The following SUZ12 variants were observed in gnomAD, a reference collection of about 807,000 sequenced individuals.
The protein encoded by SUZ12 is polycomb protein SUZ12.
SUZ12 carries 17 observed loss-of-function variants against 87.3 expected under a neutral mutation model. That is an observed-to-expected ratio of 0.19 (90% CI 0.13 to 0.29). The LOEUF (loss-of-function observed/expected upper bound fraction) is 0.29, where lower values mean the gene tolerates loss of function less well. Ranked by LOEUF, SUZ12 falls within the 10% of genes least tolerant of loss-of-function variation. The probability of loss-of-function intolerance (pLI) is 1.00; values close to 1 mark genes in which losing one functional copy is unlikely to be tolerated. For missense variants in SUZ12, 526 were observed against 912.2 expected (o/e 0.58, Z 5.45); for synonymous variants, 253 against 312.4 (o/e 0.81, Z 2.01).
At chr17:31,987,061 TTTTG>T (rs1385599244) in intron 9 of SUZ12, among the ~76,000 whole-genome samples, 1 of 147,656 alleles carries the variant, frequency 6.8e-6, no homozygotes, top group Non-Finnish European at 1.5e-5. Context: ...TTTTTTGTTT[TTTTG>T]TTTTTTTGTG....
rs1431064383 is a variant in SUZ12 at position 31,940,456 on chromosome 17, C to G, written c.356C>G (p.Ser119Cys). Residue 119 changes from serine (S) to cysteine (C), a missense_variant, in exon 3 of 16, where the codon TCT (serine) becomes TGT (cysteine). Physicochemically the swap from Ser to Cys is moderately radical, Grantham distance 112 (BLOSUM62 -1). This residue lies in a region of SUZ12 where 49 missense variants were observed against 73.2 expected (regional missense o/e 0.67). Transcript: ENST00000322652. ...IFLHRTLTYM[S>C]HRNSRTNIKR... ...TTGCACAGAACTCTTACTTACATGT[C>G]TCATCGAAACTCCAGAACAAACATC... 2 of 1,590,804 alleles carry G rather than the reference C, an allele frequency of 1.3e-6. No individual in the cohort carries two copies. The highest frequency in any genetic ancestry group is 1.4e-5 in the African/African-American group (1 of 73,678).
At chr17:31,947,335 T>A (rs1398095393) in intron 3 of SUZ12, among the ~76,000 whole-genome samples, 1 of 152,130 alleles carries the variant, frequency 6.6e-6, no homozygotes, top group African/African-American at 2.4e-5. Flanking sequence ...AAAATAAATA[T>A]AAACCAAGTA....
At position 31,999,915 on chromosome 17, in the gene SUZ12, TC is replaced by T. The variant is rs1256860508; in HGVS notation, c.*913del. ...TAAGGGGAGAAGTGTTCTTAAAAAG[TC>T]AACCAGAAAACTGTTATGCCTTTTA... On this transcript the variant is annotated 3_prime_UTR_variant, in exon 16 of 16. Coordinates refer to ENST00000322652, the MANE Select transcript of SUZ12 (RefSeq NM_015355.4). 2.1e-5 allele frequency: 5 copies of T among 232,722 alleles called. No homozygotes were observed. Among genetic ancestry groups the T allele is most frequent in the Non-Finnish European group, 3.4e-5 (4 of 117,804 alleles). The allele number at this position is 232,722 out of a possible 1,614,324, so 14.4% of individuals were successfully genotyped here. A position where few individuals can be genotyped will look rare whatever the true frequency, so the allele number is the denominator to read the frequency against.
At chr17:31,951,845 G>T (rs1907004888) in intron 4 of SUZ12, among the ~76,000 whole-genome samples, 1 of 149,442 alleles carries the variant, frequency 6.7e-6, no homozygotes, top group Non-Finnish European at 1.5e-5. Flanking sequence ...TGCGATCTTG[G>T]CTCACTGCAA....
intron 8 of SUZ12, 89 bp from the exon 9 acceptor site, chr17:31,982,910 A>G (rs1909197903): frequency 7.2e-7 from 1 of 1,383,616 alleles, no homozygotes; most frequent in African/African-American, 1.5e-5. Context: ...AATTTAATAA[A>G]TGGTTTTAGT....
intron 1 of SUZ12, among the ~76,000 whole-genome samples, chr17:31,938,802 TAA>T (rs1402470300): frequency 6.6e-6 from 1 of 152,248 alleles, no homozygotes; most frequent in Non-Finnish European, 1.5e-5. Flanking sequence ...TTCTGAATGT[TAA>T]GACACATCCT....
chr17:31,988,054 C>T (rs937753361), intron 9 of SUZ12, among the ~76,000 whole-genome samples: 4 of 152,046 alleles, frequency 2.6e-5, no homozygotes, highest in East Asian at 3.8e-4. Flanking sequence ...CTGTGTTGGA[C>T]GAGTGTTTTC....
intron 5 of SUZ12, among the ~76,000 whole-genome samples, chr17:31,972,066 T>C (rs1440313304): frequency 3.3e-5 from 5 of 150,914 alleles, no homozygotes; most frequent in Admixed American, 6.6e-5. Context: ...GGTGGATCAC[T>C]TGAGGTCAGG....
Position 31,998,749 on chromosome 17 carries a change from T to G in SUZ12, c.1966T>G (p.Phe656Val). 6.2e-7 allele frequency: 1 copy of G among 1,609,302 alleles called. No individual in the cohort carries two copies. Among genetic ancestry groups the G allele is most frequent in the Non-Finnish European group, 8.5e-7 (1 of 1,177,404 alleles). Reference protein sequence around the residue: ...KIIKKNLCRNFMLHLVSMHDF... With the variant: ...KIIKKNLCRNVMLHLVSMHDF... Reference sequence around the variant, plus strand: ...AATTAAGAAGAATTTATGTCGAAACTTCATGCTTCATCTAGTCAGCATGCA... The same window carrying G: ...AATTAAGAAGAATTTATGTCGAAACGTCATGCTTCATCTAGTCAGCATGCA... Residue 656 changes from phenylalanine (F) to valine (V), a missense_variant, in exon 16 of 16, where the codon TTC becomes GTC. Coordinates refer to ENST00000322652, the MANE Select transcript of SUZ12 (RefSeq NM_015355.4).
At chr17:31,947,827 G>A (rs1202939411) in intron 4 of SUZ12, 142 bp downstream of exon 4, 1 of 781,368 alleles carries the variant, frequency 1.3e-6, no homozygotes, top group Non-Finnish European at 2.0e-6. Flanking sequence ...TCACACACAA[G>A]TCAGAAATTA....
At chr17:31,950,461 A>G (rs1720416584) in intron 4 of SUZ12, among the ~76,000 whole-genome samples, 1 of 152,126 alleles carries the variant, frequency 6.6e-6, no homozygotes, top group East Asian at 1.9e-4. Flanking sequence ...AGGTGGGTGG[A>G]TCACTTGAGG....
At chr17:31,998,131 G>A (rs1308854413) in intron 15 of SUZ12, among the ~76,000 whole-genome samples, 1 of 150,080 alleles carries the variant, frequency 6.7e-6, no homozygotes, top group Non-Finnish European at 1.5e-5. Flanking sequence ...CCAGGCTGGA[G>A]TGCAGTGGTG....
chr17:31,995,699 A>G lies in SUZ12; in HGVS notation c.1731A>G (p.Gln577=). ...ATACCTGCTTACCTCTCCGTCCACA[A>G]GAAATGGAAGTAGATAGTGAAGATG... ...HSDTCLPLRP[Q]EMEVDSEDEK... The change falls in exon 14 of 16, where the codon CAA becomes CAG. Residue 577 remains glutamine (Q), a synonymous_variant. Coordinates refer to ENST00000322652, the MANE Select transcript of SUZ12 (RefSeq NM_015355.4). The G allele has an allele frequency of 6.2e-7, 1 of 1,614,122 alleles. No individual in the cohort carries two copies. The highest frequency in any genetic ancestry group is 1.1e-5 in the South Asian group (1 of 91,086).
chr17:31,962,431 CAT>C (rs550731503), intron 4 of SUZ12, among the ~76,000 whole-genome samples: 309 of 152,174 alleles, frequency 2.0e-3, no homozygotes, highest in Non-Finnish European at 3.2e-3. Flanking sequence ...ACTCCACAAA[CAT>C]GTAAAAATTA....
intron 15 of SUZ12, among the ~76,000 whole-genome samples, chr17:31,997,791 C>T (rs1294721610): frequency 6.6e-5 from 10 of 151,912 alleles, no homozygotes; most frequent in African/African-American, 2.2e-4. Context: ...CCACGTGTTT[C>T]ATGTCTGGAA....
intron 15 of SUZ12, among the ~76,000 whole-genome samples, chr17:31,997,079 A>G (rs756703606): frequency 5.3e-5 from 8 of 152,210 alleles, no homozygotes; most frequent in Non-Finnish European, 1.2e-4. Context: ...GGTATTATTT[A>G]TAACAATGAA....
chr17:31,967,545 C>G (rs945443711), intron 5 of SUZ12: 1 of 152,136 alleles, frequency 6.6e-6, no homozygotes, highest in Non-Finnish European at 1.5e-5. Context: ...CAGTGGCACT[C>G]CAGCCTGGTG....
chr17:31,952,374 A>T (rs965485447), intron 4 of SUZ12, among the ~76,000 whole-genome samples: 14 of 152,044 alleles, frequency 9.2e-5, no homozygotes, highest in African/African-American at 3.4e-4. Flanking sequence ...TTTTCTTTAC[A>T]GAAGGTCTGA....
At position 31,996,779 on chromosome 17, in the gene SUZ12, TTTTC is replaced by T. The variant is rs754054132; in HGVS notation, c.1795-11_1795-8del. 3.0e-5 allele frequency: 45 copies of T among 1,521,716 alleles called. No homozygotes were observed. The highest frequency in any genetic ancestry group is 1.9e-4 in the Middle Eastern group (1 of 5,294). The allele number at this position is 1,521,716 out of a possible 1,614,324, so 94.3% of individuals were successfully genotyped here. On this transcript the variant is annotated splice_polypyrimidine_tract_variant and intron_variant, in intron 14 of 15. Transcript: ENST00000322652. ...CTTAAAATATGTGTTTAATAGGTGT[TTTTC>T]TTTCTTTTTCCCAGCAAATTGAAGA...
Sources: allele counts gnomAD v4.1 joint callset (sites outside exome capture counted in the v4.1 genomes callset), GRCh38; gene constraint gnomAD v4.1.1; regional missense constraint gnomAD v4.1.1; transcripts MANE v1.5; gene names NCBI Gene and HGNC (gene_info 2026-07-23, HGNC 2026-07-21).